Variants in GRK5 observed in about 807,000 individuals in gnomAD.
GRK5 encodes g protein-coupled receptor kinase GRK5.
A neutral mutation model predicts 78.4 loss-of-function variants in GRK5; 40 were observed. The observed-to-expected ratio is 0.51, with a 90% CI of 0.40 to 0.66. The LOEUF is 0.66. Ranked by LOEUF, GRK5 falls within the 30% of genes least tolerant of loss-of-function variation. The pLI, the probability that GRK5 is intolerant of heterozygous loss-of-function variation, is 0.00. For missense variants in GRK5, 598 were observed against 759.9 expected, an observed-to-expected ratio of 0.79 and a Z score of 2.50; for synonymous variants, 289 against 296.8, an observed-to-expected ratio of 0.97 and a Z score of 0.27.
In GRK5 at chr10:119,379,053, G is replaced by A. The variant is rs986259891; in HGVS notation, c.149-1762G>A. On this transcript the variant is annotated intron_variant, in intron 2 of 15. Coordinates refer to ENST00000392870, the MANE Select transcript of GRK5 (RefSeq NM_005308.3). This position sits in a 1 kb window ranked among gnomAD's most constrained non-coding sequence, Gnocchi z 4.1. ...GTCAGCTCCCCTTTTAGATTCAGAG[G>A]CTTGGGTTGAATTGGTGCAGACTGG... is the stretch of plus-strand genomic sequence containing the variant. Among the ~76,000 whole-genome samples the A allele has an allele frequency of 6.6e-6, 1 of 152,204 alleles. No homozygotes were observed. Among genetic ancestry groups the A allele is most frequent in the African/African-American group, 2.4e-5 (1 of 41,446 alleles).
At chr10:119,313,555 T>C (rs893148196) in intron 1 of GRK5, among the ~76,000 whole-genome samples, 2 of 152,128 alleles carry the variant, frequency 1.3e-5, no homozygotes, top group Non-Finnish European at 2.9e-5. Context: ...AGCAGTGCAG[T>C]GACACCCGCT....
In GRK5 at chr10:119,378,520, A is replaced by G. The variant is rs750249417; in HGVS notation, c.149-2295A>G. The stretch of plus-strand genomic sequence containing the variant: ...AACCTTGCCCTCAGGTAGGTTACCC[A>G]TGAAAGAAGGGGGCCTGGCCGCGGC... On this transcript the variant is annotated intron_variant, in intron 2 of 15. Coordinates refer to ENST00000392870, the MANE Select transcript of GRK5 (RefSeq NM_005308.3). The surrounding 1 kb of genome is among the most constrained non-coding windows in gnomAD (Gnocchi z 4.5). 6.6e-6 allele frequency among the ~76,000 whole-genome samples: 1 copy of G among 152,234 alleles called. No homozygotes were observed. The highest frequency in any genetic ancestry group is 2.4e-5 in the African/African-American group (1 of 41,474).
In GRK5 at chr10:119,217,786, G is replaced by A. The variant is rs1301583788; in HGVS notation, c.52+9817G>A. Among the ~76,000 whole-genome samples the A allele has an allele frequency of 6.6e-6, 1 of 152,188 alleles. No individual in the cohort carries two copies. Among genetic ancestry groups the A allele is most frequent in the Non-Finnish European group, 1.5e-5 (1 of 68,032 alleles). On this transcript the variant is annotated intron_variant, in intron 1 of 15. Transcript: ENST00000392870. The surrounding 1 kb of genome is among the most constrained non-coding windows in gnomAD (Gnocchi z 4.1). ...TGCCCTGCACCCTGCTTCCCTGGCC[G>A]CTTACTGCTCCTTAGGAGGTTCTCG...
chr10:119,314,685 T>G (rs1166430896), intron 1 of GRK5, among the ~76,000 whole-genome samples: 2 of 152,130 alleles, frequency 1.3e-5, no homozygotes, highest in African/African-American at 4.8e-5. Flanking sequence ...GGGTCACAGG[T>G]ATTTTGGCAG....
intron 1 of GRK5, among the ~76,000 whole-genome samples, chr10:119,297,534 C>A (rs528321504): frequency 6.6e-6 from 1 of 152,338 alleles, no homozygotes; most frequent in South Asian, 2.1e-4. Flanking sequence ...TGCGATGATA[C>A]TATGAAGTAG....
chr10:119,281,309 G>A (rs775417799), intron 1 of GRK5, among the ~76,000 whole-genome samples: 9 of 151,770 alleles, frequency 5.9e-5, no homozygotes, highest in Non-Finnish European at 1.0e-4. Flanking sequence ...TGCTCCTCCC[G>A]GCTGCTCCCA....
At chr10:119,246,895 C>T (rs114090681) in intron 1 of GRK5, among the ~76,000 whole-genome samples, 460 of 152,254 alleles carry the variant, frequency 3.0e-3, no homozygotes, top group Admixed American at 5.0e-3. Context: ...TTTGCATTTC[C>T]GCACCTTCAG....
At chr10:119,311,995 C>T (rs1362339794) in intron 1 of GRK5, among the ~76,000 whole-genome samples, 2 of 148,930 alleles carry the variant, frequency 1.3e-5, no homozygotes, top group African/African-American at 5.0e-5. Flanking sequence ...AGCTCCACTG[C>T]AAGCTCCACC....
chr10:119,223,799 T>C (rs1665145056), intron 1 of GRK5, among the ~76,000 whole-genome samples: 3 of 151,856 alleles, frequency 2.0e-5, no homozygotes, highest in South Asian at 4.1e-4. Flanking sequence ...ACCAGGGCTT[T>C]TTCTTTGTAT....
chr10:119,249,501 T>A (rs952391125), intron 1 of GRK5, among the ~76,000 whole-genome samples: 1 of 152,112 alleles, frequency 6.6e-6, no homozygotes, highest in Non-Finnish European at 1.5e-5. Context: ...TTATTTTATT[T>A]TATTTTACTT....
chr10:119,316,617 A>G (rs977034221), intron 1 of GRK5, among the ~76,000 whole-genome samples: 1 of 152,200 alleles, frequency 6.6e-6, no homozygotes, highest in Non-Finnish European at 1.5e-5. Context: ...CGCTACACTG[A>G]CAATTACAGT....
chr10:119,259,068 T>TTC (rs1849330809), intron 1 of GRK5, among the ~76,000 whole-genome samples: 1 of 148,236 alleles, frequency 6.7e-6, no homozygotes, highest in South Asian at 2.1e-4. Flanking sequence ...TCTTTTTCTT[T>TTC]TTTTTTTTTT....
chr10:119,410,673 A>G (rs1268268420), intron 4 of GRK5, among the ~76,000 whole-genome samples: 2 of 152,026 alleles, frequency 1.3e-5, no homozygotes, highest in African/African-American at 4.8e-5. Flanking sequence ...CAACCCTACC[A>G]TCTGAAAGGG....
chr10:119,295,098 G>C (rs1850057069), intron 1 of GRK5, among the ~76,000 whole-genome samples: 1 of 151,672 alleles, frequency 6.6e-6, no homozygotes, highest in East Asian at 1.9e-4. Flanking sequence ...GCTGAGGCAG[G>C]AGAATCGCTT....
At chr10:119,453,120 T>G in intron 14 of GRK5, 25 bp from the exon 15 acceptor site, 2 of 1,423,182 alleles carry the variant, frequency 1.4e-6, no homozygotes, top group Non-Finnish European at 2.0e-6. Flanking sequence ...TGACGGCCTG[T>G]GTTTTGTTTT....
At position 119,254,211 on chromosome 10, in the gene GRK5, G is replaced by C. The variant is rs192120882; in HGVS notation, c.52+46242G>C. Among the ~76,000 whole-genome samples the C allele has an allele frequency of 2.5e-3, 379 of 149,774 alleles. 4 individuals carry two copies. Among genetic ancestry groups the C allele is most frequent in the African/African-American group, 8.8e-3 (360 of 40,970 alleles). On this transcript the variant is annotated intron_variant, in intron 1 of 15. Coordinates refer to ENST00000392870, the MANE Select transcript of GRK5 (RefSeq NM_005308.3). ...TGTAGGGGGCCTGAAAGGTCATCTTGGCCCAGTGGCTTGTTTTAAAGGAGG... is the reference window on the plus strand; with the variant it reads ...TGTAGGGGGCCTGAAAGGTCATCTTCGCCCAGTGGCTTGTTTTAAAGGAGG...
chr10:119,299,686 G>C (rs911655789), intron 1 of GRK5, among the ~76,000 whole-genome samples: 4 of 152,176 alleles, frequency 2.6e-5, no homozygotes, highest in African/African-American at 9.7e-5. Context: ...GAAGTGCAGA[G>C]AAGGAATGGG....
Position 119,233,512 on chromosome 10 carries a change from TGGGGTG to T in GRK5, c.52+25548_52+25553del, listed in dbSNP as rs537776522. Among the ~76,000 whole-genome samples the T allele has an allele frequency of 4.3e-4, 66 of 152,196 alleles. No individual in the cohort carries two copies. In the South Asian group the frequency reaches 0.014, roughly 32 times the overall value. On this transcript the variant is annotated intron_variant, in intron 1 of 15. Coordinates refer to ENST00000392870, the MANE Select transcript of GRK5 (RefSeq NM_005308.3). ...AGCACGATGTTGAATCAAAGGCTGATGGGGTGGGGGAGAGAGAGAGAGTCCTCATTG... is the reference window on the plus strand; with the variant it reads ...AGCACGATGTTGAATCAAAGGCTGATGGGGAGAGAGAGAGAGTCCTCATTG...
At chr10:119,416,663 G>A (rs550369033) in intron 4 of GRK5, among the ~76,000 whole-genome samples, 250 of 151,836 alleles carry the variant, frequency 1.6e-3, no homozygotes, top group African/African-American at 5.8e-3. Context: ...CAGTGATCTC[G>A]GCTCACTGCA....
Sources: allele counts gnomAD v4.1 joint callset (sites outside exome capture counted in the v4.1 genomes callset), GRCh38; gene constraint gnomAD v4.1.1; non-coding constraint Gnocchi (gnomAD v3.1); transcripts MANE v1.5; gene names NCBI Gene and HGNC (gene_info 2026-07-23, HGNC 2026-07-21).